XNDC1N: variants seen among roughly 807,000 people sequenced by gnomAD.
XNDC1N encodes the protein XRCC1 N-terminal domain containing 1, N-terminal like.
chr11:71,866,230 T>C, the XNDC1N span, among the ~76,000 whole-genome samples: 2 of 151,264 alleles, frequency 1.3e-5, no homozygotes, highest in East Asian at 1.9e-4. Context: ...AATGTTGCTC[T>C]GATATCTCAT....
the XNDC1N span, among the ~76,000 whole-genome samples, chr11:71,876,708 T>C: frequency 6.6e-6 from 1 of 152,248 alleles, no homozygotes; most frequent in African/African-American, 2.4e-5. Context: ...CCATAAAGGA[T>C]TTCAATTATT....
At chr11:71,916,192 C>G in the XNDC1N span, 1 of 702,734 alleles carries the variant, frequency 1.4e-6, no homozygotes, top group African/African-American at 1.7e-5. Context: ...CGTGAAGGGT[C>G]GGGAGCAGGT....
chr11:71,899,736 T>A, the XNDC1N span, among the ~76,000 whole-genome samples: 3,796 of 141,376 alleles, frequency 0.027, no homozygotes, highest in African/African-American at 0.064. Flanking sequence ...TTTCTCCCCA[T>A]GTGATAGTCT....
At chr11:71,884,693 T>C in the XNDC1N span, 15 of 1,201,534 alleles carry the variant, frequency 1.2e-5, no homozygotes, top group East Asian at 3.3e-4. Flanking sequence ...AAAATGAATA[T>C]AAATTTTATA....
the XNDC1N span, among the ~76,000 whole-genome samples, chr11:71,889,642 T>C: frequency 1.3e-5 from 2 of 152,204 alleles, no homozygotes; most frequent in Non-Finnish European, 2.9e-5. Flanking sequence ...AGGCCGGTAT[T>C]TCTACATCTC....
At chr11:71,892,678 G>C in the XNDC1N span, among the ~76,000 whole-genome samples, 6 of 151,080 alleles carry the variant, frequency 4.0e-5, no homozygotes, top group Non-Finnish European at 7.4e-5. Flanking sequence ...ACCATGCCCG[G>C]CTAATTTTTT....
chr11:71,888,410 C>T, the XNDC1N span, among the ~76,000 whole-genome samples: 16 of 152,090 alleles, frequency 1.1e-4, no homozygotes, highest in Non-Finnish European at 1.9e-4. Flanking sequence ...ACCAAGGGGG[C>T]GGGGACCGGG....
the XNDC1N span, among the ~76,000 whole-genome samples, chr11:71,867,062 T>C: frequency 6.6e-6 from 1 of 152,210 alleles, no homozygotes; most frequent in African/African-American, 2.4e-5. Context: ...GAAAGGTTTT[T>C]ATATTAGATG....
chr11:71,906,668 G>A, the XNDC1N span, among the ~76,000 whole-genome samples: 3 of 152,082 alleles, frequency 2.0e-5, no homozygotes, highest in Non-Finnish European at 4.4e-5. Context: ...AGAATATGAC[G>A]AAGACTATTA....
the XNDC1N span, among the ~76,000 whole-genome samples, chr11:71,891,107 G>T: frequency 6.6e-5 from 10 of 151,782 alleles, no homozygotes; most frequent in African/African-American, 2.2e-4. Context: ...CCCTCCCAGG[G>T]TATTCAGAAC....
the XNDC1N span, among the ~76,000 whole-genome samples, chr11:71,884,121 AC>A: frequency 8.5e-5 from 13 of 152,142 alleles, no homozygotes; most frequent in African/African-American, 2.9e-4. Flanking sequence ...TCTCTACACC[AC>A]CCCCAAGCTG....
the XNDC1N span, among the ~76,000 whole-genome samples, chr11:71,881,886 T>G: frequency 6.6e-6 from 1 of 152,072 alleles, no homozygotes; most frequent in Non-Finnish European, 1.5e-5. Flanking sequence ...AGGAAAAATA[T>G]ATGTGTAATG....
At chr11:71,900,987 G>T in the XNDC1N span, among the ~76,000 whole-genome samples, 2 of 152,148 alleles carry the variant, frequency 1.3e-5, no homozygotes, top group Admixed American at 6.5e-5. Flanking sequence ...CGTCACTCAG[G>T]CGGATGCCCC....
the XNDC1N span, chr11:71,916,236 T>G: frequency 1.4e-6 from 1 of 702,602 alleles, no homozygotes; most frequent in East Asian, 2.7e-5. Flanking sequence ...CTCCTGAGGC[T>G]GGAGCCAGGA....
At chr11:71,899,794 G>A in the XNDC1N span, among the ~76,000 whole-genome samples, 2 of 152,180 alleles carry the variant, frequency 1.3e-5, no homozygotes, top group African/African-American at 2.4e-5. Context: ...CGCCGAGCCC[G>A]ACACCCGTAA....
chr11:71,905,549 C>G, the XNDC1N span, among the ~76,000 whole-genome samples: 8 of 151,996 alleles, frequency 5.3e-5, no homozygotes, highest in African/African-American at 1.9e-4. Flanking sequence ...CAACATCTTT[C>G]TAGGAGATTA....
chr11:71,909,336 GAGGCA>G, the XNDC1N span, among the ~76,000 whole-genome samples: 16 of 151,494 alleles, frequency 1.1e-4, no homozygotes, highest in African/African-American at 3.9e-4. Flanking sequence ...CCCCCACAAA[GAGGCA>G]AGGGAAGGGA....
the XNDC1N span, among the ~76,000 whole-genome samples, chr11:71,908,203 T>A: frequency 2.0e-5 from 3 of 151,928 alleles, no homozygotes; most frequent in Non-Finnish European, 4.4e-5. Context: ...AATATTAATA[T>A]TAAGAAATAA....
At chr11:71,866,417 A>T in the XNDC1N span, among the ~76,000 whole-genome samples, 1 of 152,208 alleles carries the variant, frequency 6.6e-6, no homozygotes, top group Non-Finnish European at 1.5e-5. Context: ...TGCATGGAAC[A>T]TATTATATTG....
Sources: gnomAD v4.1 joint callset for allele counts (sites outside exome capture counted in the v4.1 genomes callset) on GRCh38, gnomAD v4.1.1 for gene constraint, MANE v1.5 for transcripts, NCBI Gene and HGNC (gene_info 2026-07-23, HGNC 2026-07-21) for gene names.